LCOR: variants seen among roughly 807,000 people sequenced by gnomAD.
LCOR encodes the protein ligand-dependent corepressor.
LCOR carries 14 observed loss-of-function variants against 64.4 expected under a neutral mutation model. That is an observed-to-expected ratio of 0.22 (90% confidence interval 0.14 to 0.34). The LOEUF (loss-of-function observed/expected upper bound fraction) is 0.34, where lower values mean the gene tolerates loss of function less well. Among genes scored for constraint, LCOR ranks in the 10% least tolerant of loss-of-function variants. The probability of loss-of-function intolerance (pLI) is 1.00; values close to 1 mark genes in which losing one functional copy is unlikely to be tolerated. For synonymous variants in LCOR, 643 were observed against 642.5 expected, an observed-to-expected ratio of 1.00 and a Z score of -0.01; for missense variants, 1,686 against 1,765.3, an observed-to-expected ratio of 0.96 and a Z score of 0.80.
At chr10:96,922,967 C>G (rs1564627166) in intron 4 of LCOR, among the ~76,000 whole-genome samples, 1 of 152,170 alleles carries the variant, frequency 6.6e-6, no homozygotes, top group Non-Finnish European at 1.5e-5. Flanking sequence ...GCTTAACAGT[C>G]AGTGGTAACG....
In LCOR at chr10:96,895,057, T is replaced by A. The variant is rs115520620; in HGVS notation, c.-329-12208T>A. On this transcript the variant is annotated intron_variant, in intron 2 of 7. Coordinates refer to ENST00000421806, the MANE Select transcript of LCOR (RefSeq NM_001346516.2). The stretch of plus-strand genomic sequence containing the variant: ...GCTTCCTTTCCTTAACTTAATATGA[T>A]CTTATCTAGTTCTAAAGCTTTAAAT... Among the ~76,000 whole-genome samples, 440 of 152,324 alleles carry A rather than the reference T, an allele frequency of 2.9e-3. 6 individuals are homozygous for A. Among genetic ancestry groups the A allele is most frequent in the African/African-American group, 9.5e-3 (396 of 41,576 alleles).
At position 96,989,414 on chromosome 10, in the gene LCOR, A is replaced by G. The variant is rs573737492; in HGVS notation, c.*4280A>G. 6.6e-6 allele frequency: 1 copy of G among 152,160 alleles called. No individual in the cohort carries two copies. The highest frequency in any genetic ancestry group is 6.5e-5 in the Admixed American group (1 of 15,292). The allele number at this position is 152,160 out of a possible 1,614,324, so 9.4% of individuals were successfully genotyped here. A position where few individuals can be genotyped will look rare whatever the true frequency, so the allele number is the denominator to read the frequency against. ...TTAGTCCTCTGAATGTCACATTTAGATATGGAAAATGTTTTTTCACAGAGT... is the reference window on the plus strand; with the variant it reads ...TTAGTCCTCTGAATGTCACATTTAGGTATGGAAAATGTTTTTTCACAGAGT... On this transcript the variant is annotated 3_prime_UTR_variant, in exon 8 of 8. Transcript: ENST00000421806.
chr10:96,966,252 G>A (rs186770373), intron 7 of LCOR, among the ~76,000 whole-genome samples: 2,681 of 110,546 alleles, frequency 0.024, 85 homozygotes, highest in African/African-American at 0.094. Context: ...TTTTTGAGAC[G>A]GAGTCTCGCT....
chr10:96,936,961 TTC>T (rs1334233547), intron 4 of LCOR, among the ~76,000 whole-genome samples: 1 of 152,252 alleles, frequency 6.6e-6, no homozygotes, highest in Non-Finnish European at 1.5e-5. Context: ...TATGTGAATA[TTC>T]TCTCTCTTTT....
At chr10:96,958,219 A>T (rs1441990132) in intron 7 of LCOR, 1 of 1,299,676 alleles carries the variant, frequency 7.7e-7, no homozygotes. Flanking sequence ...CCTCTCAGAA[A>T]GACATCACTA....
At chr10:96,958,459 C>A in intron 7 of LCOR, 1 of 1,101,508 alleles carries the variant, frequency 9.1e-7, no homozygotes, top group Non-Finnish European at 1.3e-6. Flanking sequence ...CCCTTTAATG[C>A]TGCAGTTTAA....
Position 96,982,412 on chromosome 10 carries a change from A to C in LCOR, c.1952A>C (p.Gln651Pro). ...GGGATGTCTTCTCCTGAACACAACCAACCACCAGTTGCACTGTTGGATACG... is the reference window on the plus strand; with the variant it reads ...GGGATGTCTTCTCCTGAACACAACCCACCACCAGTTGCACTGTTGGATACG... ...ASGMSSPEHNQPPVALLDTEE... is the reference protein window; with the variant it reads ...ASGMSSPEHNPPPVALLDTEE... The change falls in exon 8 of 8, where the codon CAA becomes CCA. Residue 651 changes from glutamine (Q) to proline (P), a missense_variant. Physicochemically the swap from Gln to Pro is moderately conservative, Grantham distance 76. This residue lies in a region of LCOR where 1,293 missense variants were observed against 1,410.4 expected (regional missense o/e 0.92). Transcript: ENST00000421806. 1 of 1,614,152 alleles carries C rather than the reference A, an allele frequency of 6.2e-7. No individual in the cohort carries two copies. Among genetic ancestry groups the C allele is most frequent in the Non-Finnish European group, 8.5e-7 (1 of 1,180,018 alleles).
chr10:96,982,445 T>A lies in LCOR; in HGVS notation c.1985T>A (p.Met662Lys). The A allele has an allele frequency of 6.2e-7, 1 of 1,614,170 alleles. No individual in the cohort carries two copies. The highest frequency in any genetic ancestry group is 8.5e-7 in the Non-Finnish European group (1 of 1,180,002). The change falls in exon 8 of 8, where the codon ATG (methionine) becomes AAG (lysine). Residue 662 changes from methionine (M) to lysine (K), a missense_variant. Physicochemically the swap from Met to Lys is moderately conservative, Grantham distance 95. Around this residue, in one of 3 missense-constraint regions of LCOR, gnomAD observed 1,293 missense variants for 1,410.4 expected, o/e 0.92. Coordinates refer to ENST00000421806, the MANE Select transcript of LCOR (RefSeq NM_001346516.2). ...GTTGCACTGTTGGATACGGAGGAGA[T>A]GAGTGTACCCCAGGACTGTCACCTC... ...PPVALLDTEE[M>K]SVPQDCHLLP...
chr10:96,889,836 G>C (rs569595030), intron 2 of LCOR, among the ~76,000 whole-genome samples: 1 of 152,104 alleles, frequency 6.6e-6, no homozygotes. Context: ...AGGTTATTAT[G>C]AATAATGCTG....
In LCOR at chr10:96,987,303, C is replaced by T. The variant is rs982606793; in HGVS notation, c.*2169C>T. ...GGTGACTTAAACAGCTGATGTTTGC[C>T]AATGTCAGGCATGCTGATTCCTGTA... On this transcript the variant is annotated 3_prime_UTR_variant, in exon 8 of 8. Coordinates refer to ENST00000421806, the MANE Select transcript of LCOR (RefSeq NM_001346516.2). The T allele has an allele frequency of 1.3e-5, 2 of 152,146 alleles. No homozygotes were observed. The highest frequency in any genetic ancestry group is 2.9e-5 in the Non-Finnish European group (2 of 68,026). 9.4% of individuals were successfully genotyped at this position (152,146 alleles called of 1,614,324 possible). A position where few individuals can be genotyped will look rare whatever the true frequency, so the allele number is the denominator to read the frequency against.
intron 7 of LCOR, among the ~76,000 whole-genome samples, chr10:96,965,661 C>CAAAAAA (rs755222216): frequency 3.1e-5 from 2 of 65,322 alleles, no homozygotes; most frequent in Non-Finnish European, 3.2e-5. Flanking sequence ...GACTCTGTCT[C>CAAAAAA]AAAAAAAAAA....
At chr10:96,944,037 C>T (rs750634595) in intron 4 of LCOR, 76 bp from the exon 5 acceptor site, 35 of 919,194 alleles carry the variant, frequency 3.8e-5, no homozygotes, top group Non-Finnish European at 4.2e-5. Context: ...TTGCTACTAA[C>T]TTTGATTTCG....
chr10:96,941,672 C>T (rs1471882733), intron 4 of LCOR, among the ~76,000 whole-genome samples: 122 of 150,418 alleles, frequency 8.1e-4, no homozygotes, highest in African/African-American at 3.0e-3. Context: ...GGAGGGGCTC[C>T]TCACTTCTCA....
At position 96,949,164 on chromosome 10, in the gene LCOR, C is replaced by T. The variant is rs759785318; in HGVS notation, c.107C>T (p.Ala36Val). The change falls in exon 6 of 8, where the codon GCA becomes GTA. Residue 36 changes from alanine (A) to valine (V), a missense_variant. Ala to Val is a moderately conservative substitution (Grantham distance 64). This residue lies in a region of LCOR where 80 missense variants were observed against 107.7 expected (regional missense o/e 0.74). Transcript: ENST00000421806. ...NSTKNQSLPK[A>V]SPVTTSPTAA... ...ACAAAGAACCAAAGCCTGCCGAAAG[C>T]ATCTCCAGTCACCACCTCTCCCACG... is the stretch of plus-strand genomic sequence containing the variant. The T allele has an allele frequency of 1.2e-6, 2 of 1,614,170 alleles. No individual in the cohort carries two copies. Among genetic ancestry groups the T allele is most frequent in the Non-Finnish European group, 1.7e-6 (2 of 1,180,020 alleles).
chr10:96,976,019 C>T (rs1489941008), intron 7 of LCOR, among the ~76,000 whole-genome samples: 2 of 151,988 alleles, frequency 1.3e-5, no homozygotes, highest in East Asian at 1.9e-4. Context: ...CACAAGACCC[C>T]GTGTAATTGA....
intron 2 of LCOR, 51 bp from the exon 3 acceptor site, chr10:96,907,214 A>G (rs1032499942): frequency 3.6e-5 from 21 of 584,818 alleles, no homozygotes; most frequent in East Asian, 2.8e-4. Context: ...AGATTATTCA[A>G]TACTAGAATG....
intron 2 of LCOR, among the ~76,000 whole-genome samples, chr10:96,895,529 G>A (rs2134438172): frequency 6.6e-6 from 1 of 152,196 alleles, no homozygotes; most frequent in South Asian, 2.1e-4. Flanking sequence ...ATATCTAATT[G>A]TTTTATCTCT....
chr10:96,873,893 G>A (rs1038738533), intron 2 of LCOR, among the ~76,000 whole-genome samples: 1 of 152,132 alleles, frequency 6.6e-6, no homozygotes, highest in African/African-American at 2.4e-5. Flanking sequence ...ATTAAAGGGT[G>A]TGGGGGAAGG....
At chr10:96,942,650 T>C (rs961438473) in intron 4 of LCOR, among the ~76,000 whole-genome samples, 1 of 152,186 alleles carries the variant, frequency 6.6e-6, no homozygotes, top group South Asian at 2.1e-4. Context: ...TAAATACATA[T>C]TTTGGTTGTG....
Sources: gnomAD v4.1 joint callset for allele counts (sites outside exome capture counted in the v4.1 genomes callset) on GRCh38, gnomAD v4.1.1 for gene constraint, gnomAD v4.1.1 regional missense constraint, MANE v1.5 for transcripts, NCBI Gene and HGNC (gene_info 2026-07-23, HGNC 2026-07-21) for gene names.